The following LIMK2 variants were observed in gnomAD, a reference collection of about 807,000 sequenced individuals.
LIMK2 encodes LIM domain kinase 2.
In LIMK2, 35 loss-of-function variants were observed where a neutral mutation model predicts 75.7. That is an observed-to-expected ratio of 0.46 (90% CI 0.35 to 0.61). LIMK2 has a LOEUF of 0.61. Ranked by LOEUF, LIMK2 falls within the 20% of genes least tolerant of loss-of-function variation. The pLI is 0.00. For missense variants in LIMK2, 623 were observed against 831.0 expected, an observed-to-expected ratio of 0.75 and a Z score of 3.08; for synonymous variants, 301 against 319.2, an observed-to-expected ratio of 0.94 and a Z score of 0.61.
intron 3 of LIMK2, chr22:31,258,773 T>C: frequency 2.6e-6 from 1 of 385,968 alleles, no homozygotes; most frequent in African/African-American, 2.0e-5. Context: ...TGGAATAGGC[T>C]GGCAGAGAGA....
chr22:31,266,509 C>T (rs1381120864), intron 8 of LIMK2, among the ~76,000 whole-genome samples: 1 of 152,104 alleles, frequency 6.6e-6, no homozygotes, highest in Non-Finnish European at 1.5e-5. Flanking sequence ...CTCTTTCTCT[C>T]CTCCTCCTCC....
chr22:31,217,806 C>T (rs1223467542), intron 1 of LIMK2, among the ~76,000 whole-genome samples: 1 of 152,180 alleles, frequency 6.6e-6, no homozygotes, highest in Admixed American at 6.5e-5. Flanking sequence ...TCATTTGTCA[C>T]TGCAGTGTAT....
chr22:31,258,329 A>C lies in LIMK2; in HGVS notation c.155A>C (p.Tyr52Ser). 1 of 1,613,236 alleles carries C rather than the reference A, an allele frequency of 6.2e-7. No homozygotes were observed. Among genetic ancestry groups the C allele is most frequent in the Non-Finnish European group, 8.5e-7 (1 of 1,179,468 alleles). The change falls in exon 3 of 16, where the codon TAT (tyrosine) becomes TCT (serine). Residue 52 changes from tyrosine to serine, a missense_variant. Physicochemically the swap from Tyr to Ser is moderately radical, Grantham distance 144 (BLOSUM62 -2). Transcript: ENST00000331728. ...CAGGATTCCCTCACCAACTGGTACT[A>C]TGAGAAGGATGGGAAGCTCTACTGC... is the stretch of plus-strand genomic sequence containing the variant. ...ECQDSLTNWYYEKDGKLYCPK... is the reference protein window; with the variant it reads ...ECQDSLTNWYSEKDGKLYCPK...
intron 2 of LIMK2, among the ~76,000 whole-genome samples, chr22:31,226,852 C>A (rs1458153989): frequency 6.9e-6 from 1 of 144,470 alleles, no homozygotes; most frequent in Admixed American, 6.9e-5. Flanking sequence ...TCAGGTGATC[C>A]GCCTGCCTCG....
chr22:31,232,266 A>C (rs1348757062), intron 2 of LIMK2, among the ~76,000 whole-genome samples: 3 of 151,742 alleles, frequency 2.0e-5, no homozygotes, highest in Admixed American at 2.0e-4. Context: ...AAAAAAAAAA[A>C]AAACAGTAGA....
chr22:31,276,592 C>T (rs1413595995), intron 15 of LIMK2, among the ~76,000 whole-genome samples: 1 of 146,198 alleles, frequency 6.8e-6, no homozygotes, highest in African/African-American at 2.4e-5. Flanking sequence ...CCGCCCTCGC[C>T]GCGGAGCCGG....
At chr22:31,246,587 G>T (rs1375829625) in intron 2 of LIMK2, among the ~76,000 whole-genome samples, 1 of 151,726 alleles carries the variant, frequency 6.6e-6, no homozygotes, top group Non-Finnish European at 1.5e-5. Flanking sequence ...TATGTACCAG[G>T]TTTGAAACTC....
intron 2 of LIMK2, among the ~76,000 whole-genome samples, chr22:31,236,025 T>G (rs2048570824): frequency 6.6e-6 from 1 of 152,250 alleles, no homozygotes; most frequent in South Asian, 2.1e-4. Context: ...CCAGGCGTAG[T>G]GGCTCATGCC....
intron 1 of LIMK2, among the ~76,000 whole-genome samples, chr22:31,223,423 T>C (rs544157641): frequency 6.6e-6 from 1 of 152,198 alleles, no homozygotes; most frequent in East Asian, 1.9e-4. Flanking sequence ...GTTGAGTAAG[T>C]GGGTGGTCAG....
intron 2 of LIMK2, among the ~76,000 whole-genome samples, chr22:31,255,663 T>G (rs2048771174): frequency 6.6e-6 from 1 of 152,232 alleles, no homozygotes; most frequent in Non-Finnish European, 1.5e-5. Context: ...TTAGACTTTC[T>G]CTTCCTCAAC....
At position 31,259,217 on chromosome 22, in the gene LIMK2, G is replaced by A; in HGVS notation, c.349G>A (p.Ala117Thr). The change falls in exon 4 of 16, where the codon GCC (alanine) becomes ACC (threonine). Residue 117 changes from alanine to threonine, a missense_variant. Transcript: ENST00000331728. ...GGATGCATATGCACTGGTGCAGCAT[G>A]CCACCCTCTACTGGTAAGATAGTGG... ...DGDAYALVQH[A>T]TLYCGKCHNE... is the part of the protein sequence containing the mutation. 1.9e-6 allele frequency: 3 copies of A among 1,603,262 alleles called. No individual in the cohort carries two copies. The South Asian group carries it at 3.3e-5, about 18-fold the overall frequency.
chr22:31,227,307 A>G (rs550887743), intron 2 of LIMK2, among the ~76,000 whole-genome samples: 1 of 152,246 alleles, frequency 6.6e-6, no homozygotes, highest in East Asian at 1.9e-4. Flanking sequence ...TGTGCTGTAG[A>G]TTCCAGCTCC....
Position 31,262,274 on chromosome 22 carries a change from G to A in LIMK2, c.657+35G>A, listed in dbSNP as rs1175451884. ...GTGTCTAATCTGTCTTGTGAGGGTG[G>A]GACATGGAACAGATCCTCTGAGAAA... is the stretch of plus-strand genomic sequence containing the variant. On this transcript the variant is annotated intron_variant, in intron 6 of 15. Transcript: ENST00000331728. The surrounding 1 kb of genome is among the most constrained non-coding windows in gnomAD (Gnocchi z 5.0). 6.0e-6 allele frequency: 9 copies of A among 1,490,788 alleles called. No individual in the cohort carries two copies. Among genetic ancestry groups the A allele is most frequent in the Non-Finnish European group, 7.5e-6 (8 of 1,067,604 alleles). 92.3% of individuals were successfully genotyped at this position (1,490,788 alleles called of 1,614,324 possible).
Position 31,278,416 on chromosome 22 carries a change from GCCTGACCCGGGACTCACCTCCCTAGC to G in LIMK2, c.1897_*5del. 6.2e-7 allele frequency: 1 copy of G among 1,612,798 alleles called. No homozygotes were observed. The highest frequency in any genetic ancestry group is 8.5e-7 in the Non-Finnish European group (1 of 1,179,546). On this transcript the variant is annotated stop_lost and 3_prime_UTR_variant, in exon 16 of 16. Coordinates refer to ENST00000331728, the MANE Select transcript of LIMK2 (RefSeq NM_005569.4). ...GACCACACTGTGAGCATGCAGTACG[GCCTGACCCGGGACTCACCTCCCTAGC>G]CCTGGCCCAGCCCCCTGCAGGGGGG...
chr22:31,264,661 G>T (rs930789273), intron 7 of LIMK2, among the ~76,000 whole-genome samples: 2 of 152,202 alleles, frequency 1.3e-5, no homozygotes, highest in Non-Finnish European at 2.9e-5. Context: ...GGTGGCTCAC[G>T]CCTGTAATCC....
Position 31,278,583 on chromosome 22 carries a change from C to T in LIMK2, c.*142C>T. On this transcript the variant is annotated 3_prime_UTR_variant, in exon 16 of 16. Coordinates refer to ENST00000331728, the MANE Select transcript of LIMK2 (RefSeq NM_005569.4). ...GCAGAACAAGCCATTCCTATTACCT[C>T]CCCAGGAGGCAAGTGGGCGCAGCAC... The T allele has an allele frequency of 1.2e-6, 1 of 813,664 alleles. No homozygotes were observed. Among genetic ancestry groups the T allele is most frequent in the Non-Finnish European group, 1.8e-6 (1 of 554,236 alleles). The allele number at this position is 813,664 out of a possible 1,614,324, so 50.4% of individuals were successfully genotyped here.
At chr22:31,239,573 G>A (rs111591740) in intron 2 of LIMK2, among the ~76,000 whole-genome samples, 3 of 152,254 alleles carry the variant, frequency 2.0e-5, no homozygotes, top group South Asian at 2.1e-4. Flanking sequence ...GGAGCCCCCC[G>A]CCAAATCCAC....
chr22:31,214,910 C>T (rs1482376494), intron 1 of LIMK2, among the ~76,000 whole-genome samples: 1 of 152,170 alleles, frequency 6.6e-6, no homozygotes, highest in African/African-American at 2.4e-5. Context: ...AATCTTCTGC[C>T]TCAGCTTCCT....
At position 31,278,936 on chromosome 22, in the gene LIMK2, T is replaced by TC. The variant is rs897942024; in HGVS notation, c.*500dup. The TC allele has an allele frequency of 3.3e-5, 5 of 152,434 alleles. No homozygotes were observed. Among genetic ancestry groups the TC allele is most frequent in the Admixed American group, 2.6e-4 (4 of 15,300 alleles). 9.4% of individuals were successfully genotyped at this position (152,434 alleles called of 1,614,324 possible). A position where few individuals can be genotyped will look rare whatever the true frequency, so the allele number is the denominator to read the frequency against. ...AAGGGTGTGAAAAAGTCAGTGATGC[T>TC]CCCCCTTTCTACTCCAGATCCTGTC... is the stretch of plus-strand genomic sequence containing the variant. On this transcript the variant is annotated 3_prime_UTR_variant, in exon 16 of 16. Coordinates refer to ENST00000331728, the MANE Select transcript of LIMK2 (RefSeq NM_005569.4).
Sources: gnomAD v4.1 joint callset for allele counts (sites outside exome capture counted in the v4.1 genomes callset) on GRCh38, gnomAD v4.1.1 for gene constraint, Gnocchi (gnomAD v3.1) non-coding constraint, MANE v1.5 for transcripts, NCBI Gene and HGNC (gene_info 2026-07-23, HGNC 2026-07-21) for gene names.